CDH13: variants seen among roughly 807,000 people sequenced by gnomAD.
The protein encoded by CDH13 is cadherin 13, also known as cadherin-13.
CDH13 carries 24 observed loss-of-function variants against 63.8 expected under a neutral mutation model. That is an observed-to-expected ratio of 0.38 (90% CI 0.27 to 0.53). The LOEUF (loss-of-function observed/expected upper bound fraction) is 0.53. CDH13 is among the 20% of genes least tolerant of loss of function. The pLI, the probability that CDH13 is intolerant of heterozygous loss-of-function variation, is 0.85. For missense variants in CDH13, 1,049 were observed against 903.1 expected (o/e 1.16, Z -2.07); for synonymous variants, 503 against 355.3 (o/e 1.42, Z -4.67).
intron 2 of CDH13, among the ~76,000 whole-genome samples, chr16:82,876,415 C>T (rs1215796445): frequency 6.6e-6 from 1 of 152,164 alleles, no homozygotes; most frequent in Non-Finnish European, 1.5e-5. Context: ...GAACATGCAA[C>T]CCACATTTTT....
intron 8 of CDH13, among the ~76,000 whole-genome samples, chr16:83,656,659 G>T (rs528949114): frequency 2.0e-5 from 3 of 152,278 alleles, no homozygotes; most frequent in African/African-American, 7.2e-5. Context: ...CTTGATCAAG[G>T]CTCCTGAGCC....
chr16:82,896,770 C>CTTTT lies in CDH13; in HGVS notation c.157+38322_157+38325dup, dbSNP rs71382855. On this transcript the variant is annotated intron_variant, in intron 2 of 13. Transcript: ENST00000567109. ...AATTATTTTAGACTGCTGTGCAATT[C>CTTTT]TTTTTTTTTTTTTTTTTTTTTTTTT... is the stretch of plus-strand genomic sequence containing the variant. Among the ~76,000 whole-genome samples, 298 of 55,564 alleles carry CTTTT rather than the reference C, an allele frequency of 5.4e-3. 30 individuals carry two copies. Among genetic ancestry groups the CTTTT allele is most frequent in the African/African-American group, 0.021 (263 of 12,330 alleles). 36.5% of individuals were successfully genotyped at this position (55,564 alleles called of 152,430 possible).
chr16:82,950,117 C>G (rs1363207709), intron 2 of CDH13, among the ~76,000 whole-genome samples: 1 of 152,220 alleles, frequency 6.6e-6, no homozygotes, highest in Admixed American at 6.5e-5. Context: ...TCAATCTCTT[C>G]TAGAGGCTGG....
chr16:83,362,176 C>G (rs886663487), intron 6 of CDH13, among the ~76,000 whole-genome samples: 4 of 152,190 alleles, frequency 2.6e-5, no homozygotes, highest in African/African-American at 9.6e-5. Flanking sequence ...TCCAAAGTGT[C>G]AGGCTTTCAG....
chr16:83,719,707 C>G (rs1020731751), intron 10 of CDH13, among the ~76,000 whole-genome samples: 4 of 152,176 alleles, frequency 2.6e-5, no homozygotes, highest in Non-Finnish European at 4.4e-5. Context: ...GAGGCTGTGG[C>G]ATACCATGTT....
intron 5 of CDH13, among the ~76,000 whole-genome samples, chr16:83,333,038 A>C (rs2090511648): frequency 6.6e-6 from 1 of 152,170 alleles, no homozygotes; most frequent in Admixed American, 6.6e-5. Flanking sequence ...AACAAGTAGG[A>C]AACTTTTATC....
intron 2 of CDH13, among the ~76,000 whole-genome samples, chr16:82,905,593 T>A (rs917317497): frequency 6.6e-6 from 1 of 152,130 alleles, no homozygotes; most frequent in African/African-American, 2.4e-5. Flanking sequence ...ACCAGTACTG[T>A]CTCATACAAA....
intron 1 of CDH13, among the ~76,000 whole-genome samples, chr16:82,842,067 A>C (rs2151133205): frequency 7.3e-6 from 1 of 137,286 alleles, no homozygotes; most frequent in African/African-American, 2.8e-5. Flanking sequence ...TCTCCCTTGA[A>C]ATCTGAGCCA....
At chr16:83,545,312 A>G (rs1225158632) in intron 7 of CDH13, among the ~76,000 whole-genome samples, 1 of 152,208 alleles carries the variant, frequency 6.6e-6, no homozygotes, top group African/African-American at 2.4e-5. Flanking sequence ...TGAAGAAGGA[A>G]AAAAAATAGT....
chr16:83,484,020 C>G (rs779449198), intron 6 of CDH13, among the ~76,000 whole-genome samples: 1 of 152,164 alleles, frequency 6.6e-6, no homozygotes, highest in Non-Finnish European at 1.5e-5. Flanking sequence ...GGCAAAGAAG[C>G]TAGGTGGATA....
At chr16:82,690,407 T>A (rs1231571870) in intron 1 of CDH13, among the ~76,000 whole-genome samples, 2 of 152,118 alleles carry the variant, frequency 1.3e-5, no homozygotes, top group Non-Finnish European at 2.9e-5. Flanking sequence ...TAACAAAAAA[T>A]TAATATCTAA....
At chr16:83,300,127 T>G (rs996786594) in intron 5 of CDH13, among the ~76,000 whole-genome samples, 1 of 152,168 alleles carries the variant, frequency 6.6e-6, no homozygotes, top group Admixed American at 6.5e-5. Context: ...AGAGGGTGAG[T>G]ACCAGGAAGC....
At chr16:83,507,523 AT>A (rs1288202841) in intron 7 of CDH13, among the ~76,000 whole-genome samples, 1 of 152,180 alleles carries the variant, frequency 6.6e-6, no homozygotes, top group Non-Finnish European at 1.5e-5. Context: ...AATAATGATA[AT>A]TGGTTGCTAC....
chr16:82,886,749 C>T (rs1478829115), intron 2 of CDH13, among the ~76,000 whole-genome samples: 1 of 152,100 alleles, frequency 6.6e-6, no homozygotes, highest in African/African-American at 2.4e-5. Flanking sequence ...AACTGTGACC[C>T]TCCAGTCAAA....
intron 11 of CDH13, among the ~76,000 whole-genome samples, chr16:83,764,085 C>T (rs1567580507): frequency 1.3e-5 from 2 of 152,152 alleles, no homozygotes; most frequent in Non-Finnish European, 2.9e-5. Flanking sequence ...CCCAGTACTC[C>T]TAAGCATATA....
At chr16:83,772,073 C>A (rs552395744) in intron 11 of CDH13, among the ~76,000 whole-genome samples, 2 of 152,132 alleles carry the variant, frequency 1.3e-5, no homozygotes, top group Non-Finnish European at 2.9e-5. Flanking sequence ...TGGGGGGTGA[C>A]TTTTTAGCTT....
At chr16:83,467,869 A>T (rs2073356175) in intron 6 of CDH13, among the ~76,000 whole-genome samples, 1 of 152,148 alleles carries the variant, frequency 6.6e-6, no homozygotes, top group Non-Finnish European at 1.5e-5. Flanking sequence ...TCAGCACAGT[A>T]CCCTGGGCAG....
chr16:83,264,534 GTGTGTGTATATATATGTA>G (rs1346619811), intron 5 of CDH13, among the ~76,000 whole-genome samples: 3 of 111,962 alleles, frequency 2.7e-5, no homozygotes, highest in East Asian at 2.9e-4. Context: ...ATATGTATAT[GTGTGTGTATATATATGTA>G]TGTGTGTGTG....
chr16:83,522,013 C>A lies in CDH13; in HGVS notation c.960+35358C>A, dbSNP rs563027788. On this transcript the variant is annotated intron_variant, in intron 7 of 13. Coordinates refer to ENST00000567109, the MANE Select transcript of CDH13 (RefSeq NM_001257.5). ...TCATGTGAGGGATGGAGAGATGAAT[C>A]CATCAGCTGTTAAATGCCTGCATTC... Among the ~76,000 whole-genome samples, 118 of 152,288 alleles carry A rather than the reference C, an allele frequency of 7.7e-4. 2 individuals carry two copies. The South Asian group carries it at 0.022, about 28-fold the overall frequency.
Sources: allele counts gnomAD v4.1 joint callset (sites outside exome capture counted in the v4.1 genomes callset), GRCh38; gene constraint gnomAD v4.1.1; transcripts MANE v1.5; gene names NCBI Gene and HGNC (gene_info 2026-07-23, HGNC 2026-07-21).